ZNF410: variants seen among roughly 807,000 people sequenced by gnomAD.
The protein encoded by ZNF410 is zinc finger protein 410.
A neutral mutation model predicts 54.8 loss-of-function variants in ZNF410; 18 were observed. That is an observed-to-expected ratio of 0.33 (90% CI 0.23 to 0.49). The LOEUF (loss-of-function observed/expected upper bound fraction) is 0.49. Among genes scored for constraint, ZNF410 ranks in the 20% least tolerant of loss-of-function variants. ZNF410 has a pLI of 0.99. For synonymous variants in ZNF410, 191 were observed against 207.3 expected (o/e 0.92, Z 0.68); for missense variants, 405 against 569.6 (o/e 0.71, Z 2.94).
In ZNF410 at chr14:73,931,422, C is replaced by T. The variant is rs575157547; in HGVS notation, c.1399-81C>T. ...CCTGTAGTGCATTCTCCATCCTCCACTCTTAATACTTTTTACTATGAATTA... is the reference window on the plus strand; with the variant it reads ...CCTGTAGTGCATTCTCCATCCTCCATTCTTAATACTTTTTACTATGAATTA... On this transcript the variant is annotated intron_variant, in intron 11 of 11. Coordinates refer to ENST00000555044, the MANE Select transcript of ZNF410 (RefSeq NM_021188.3). The T allele has an allele frequency of 2.2e-4, 284 of 1,296,106 alleles. 2 individuals are homozygous for T. In the South Asian group the frequency reaches 3.0e-3, roughly 14 times the overall value. The allele number at this position is 1,296,106 out of a possible 1,614,324, so 80.3% of individuals were successfully genotyped here.
intron 1 of ZNF410, among the ~76,000 whole-genome samples, chr14:73,888,751 A>G (rs1332704340): frequency 6.6e-6 from 1 of 152,204 alleles, no homozygotes; most frequent in Non-Finnish European, 1.5e-5. Flanking sequence ...GCTAATGTAC[A>G]TAGTACGTTG....
Position 73,896,493 on chromosome 14 carries a change from G to C in ZNF410, c.347G>C (p.Ser116Thr). 6.2e-7 allele frequency: 1 copy of C among 1,614,182 alleles called. No homozygotes were observed. Among genetic ancestry groups the C allele is most frequent in the South Asian group, 1.1e-5 (1 of 91,086 alleles). The change falls in exon 4 of 12, where the codon AGT becomes ACT. Residue 116 changes from serine (S) to threonine (T), a missense_variant. Around this residue, in one of 3 missense-constraint regions of ZNF410, gnomAD observed 247 missense variants for 342.8 expected, o/e 0.72. Coordinates refer to ENST00000555044, the MANE Select transcript of ZNF410 (RefSeq NM_021188.3). ...AGCTTGTTGCAAGATCTACAGCCAA[G>C]TGATAGCACTTCTTTTATTCTTCTT... ...SSSLLQDLQP[S>T]DSTSFILLNL...
intron 7 of ZNF410, among the ~76,000 whole-genome samples, chr14:73,905,944 T>TATACACACAC: frequency 1.3e-5 from 1 of 76,476 alleles, no homozygotes; most frequent in South Asian, 4.5e-4. Flanking sequence ...TACATATATA[T>TATACACACAC]ACACACACAC....
intron 8 of ZNF410, among the ~76,000 whole-genome samples, chr14:73,918,848 G>A (rs2055710519): frequency 1.3e-5 from 2 of 150,636 alleles, no homozygotes; most frequent in Non-Finnish European, 3.0e-5. Context: ...ACAGGCGCCC[G>A]CCACCACGCC....
Position 73,896,351 on chromosome 14 carries a change from G to A in ZNF410, c.205G>A (p.Val69Ile). The stretch of plus-strand genomic sequence containing the variant: ...AAATCATTCTAACTCCTCCAAGGAG[G>A]TCCCTTCCTCAGCTGTTTTGAGAAG... ...TTNHSNSSKE[V>I]PSSAVLRSLR... Residue 69 changes from valine to isoleucine, a missense_variant, in exon 4 of 12, where the codon GTC becomes ATC. Physicochemically the swap from Val to Ile is conservative, Grantham distance 29. Around this residue, in one of 3 missense-constraint regions of ZNF410, gnomAD observed 247 missense variants for 342.8 expected, o/e 0.72. Coordinates refer to ENST00000555044, the MANE Select transcript of ZNF410 (RefSeq NM_021188.3). 1 of 1,614,114 alleles carries A rather than the reference G, an allele frequency of 6.2e-7. No individual in the cohort carries two copies. Among genetic ancestry groups the A allele is most frequent in the Non-Finnish European group, 8.5e-7 (1 of 1,180,018 alleles).
At position 73,910,878 on chromosome 14, in the gene ZNF410, AAGTG is replaced by A. The variant is rs1405178622; in HGVS notation, c.1003+1449_1003+1452del. ...CCCTGTCTCAAAAAAAAAAAAAAAA[AAGTG>A]GTAGTGAAGATAAGGAGGGAAAGGG... is the stretch of plus-strand genomic sequence containing the variant. On this transcript the variant is annotated intron_variant, in intron 8 of 11. Coordinates refer to ENST00000555044, the MANE Select transcript of ZNF410 (RefSeq NM_021188.3). Among the ~76,000 whole-genome samples, 18 of 146,196 alleles carry A rather than the reference AAGTG, an allele frequency of 1.2e-4. No individual in the cohort carries two copies. The East Asian group carries it at 3.3e-3, about 27-fold the overall frequency.
chr14:73,929,731 C>T (rs113954406), intron 11 of ZNF410, among the ~76,000 whole-genome samples: 12,926 of 151,644 alleles, frequency 0.085, 952 homozygotes, highest in East Asian at 0.44. Context: ...GTGAGAGGAT[C>T]ACTTGGGCCC....
At chr14:73,891,210 C>T (rs1458132908) in intron 1 of ZNF410, among the ~76,000 whole-genome samples, 3 of 151,808 alleles carry the variant, frequency 2.0e-5, no homozygotes, top group East Asian at 1.9e-4. Context: ...GGTATAGCTA[C>T]GGTCATAGCT....
At chr14:73,929,409 T>G (rs2055878900) in intron 11 of ZNF410, among the ~76,000 whole-genome samples, 1 of 152,208 alleles carries the variant, frequency 6.6e-6, no homozygotes, top group African/African-American at 2.4e-5. Context: ...GAAGGCTATT[T>G]GCAACACATG....
At chr14:73,894,968 G>A (rs2055291968) in intron 3 of ZNF410, among the ~76,000 whole-genome samples, 1 of 151,968 alleles carries the variant, frequency 6.6e-6, no homozygotes, top group Non-Finnish European at 1.5e-5. Flanking sequence ...ATTGAGACCA[G>A]CCTGGGCAAC....
chr14:73,890,054 C>G (rs1242851835), intron 1 of ZNF410, among the ~76,000 whole-genome samples: 1 of 152,220 alleles, frequency 6.6e-6, no homozygotes, highest in South Asian at 2.1e-4. Flanking sequence ...CTCGGCCTCC[C>G]AAAATGCTGG....
At chr14:73,894,755 C>G (rs939514599) in intron 3 of ZNF410, among the ~76,000 whole-genome samples, 2 of 152,088 alleles carry the variant, frequency 1.3e-5, no homozygotes, top group African/African-American at 4.8e-5. Context: ...AAAGTCTCTC[C>G]TGGTACGAGA....
intron 5 of ZNF410, among the ~76,000 whole-genome samples, chr14:73,901,098 T>A (rs934112465): frequency 5.8e-4 from 88 of 152,382 alleles, no homozygotes; most frequent in African/African-American, 1.9e-3. Context: ...CAGTCTAAGT[T>A]GTTTGAAATA....
At chr14:73,923,001 A>G (rs1482407415) in intron 10 of ZNF410, among the ~76,000 whole-genome samples, 1 of 152,164 alleles carries the variant, frequency 6.6e-6, no homozygotes, top group East Asian at 1.9e-4. Context: ...AACATTTAGT[A>G]ACTGTGAGAC....
intron 5 of ZNF410, among the ~76,000 whole-genome samples, chr14:73,899,361 G>A (rs747850458): frequency 2.7e-5 from 4 of 150,938 alleles, no homozygotes; most frequent in Non-Finnish European, 5.9e-5. Flanking sequence ...TCCTGCCTCT[G>A]GCTCCCTAAG....
At chr14:73,911,964 G>A (rs2055586642) in intron 8 of ZNF410, among the ~76,000 whole-genome samples, 2 of 151,840 alleles carry the variant, frequency 1.3e-5, no homozygotes, top group South Asian at 4.2e-4. Flanking sequence ...CATTTAACTT[G>A]TTTCTCTACG....
chr14:73,894,899 G>A (rs4903153), intron 3 of ZNF410, among the ~76,000 whole-genome samples: 121,615 of 152,098 alleles, frequency 0.8, 49,533 homozygotes, highest in East Asian at 0.93. Flanking sequence ...GTGGTGGCTC[G>A]TGCCTGTAAT....
Position 73,921,114 on chromosome 14 carries a change from G to C in ZNF410, c.1129+9G>C, listed in dbSNP as rs1413924413. 4 of 1,613,474 alleles carry C rather than the reference G, an allele frequency of 2.5e-6. No homozygotes were observed. In the African/African-American group the frequency reaches 4.0e-5, roughly 16 times the overall value. ...AGAGCAGGAGCAAACTGGTGAGGAG[G>C]GTGGGCATAGTGGAACGCTGTACTA... On this transcript the variant is annotated intron_variant, in intron 9 of 11. Coordinates refer to ENST00000555044, the MANE Select transcript of ZNF410 (RefSeq NM_021188.3).
chr14:73,916,587 T>G (rs2055671038), intron 8 of ZNF410: 1 of 152,222 alleles, frequency 6.6e-6, no homozygotes, highest in African/African-American at 2.4e-5. Flanking sequence ...TTCCCAGGCT[T>G]ACCTTGGACT....
Sources: allele counts gnomAD v4.1 joint callset (sites outside exome capture counted in the v4.1 genomes callset), GRCh38; gene constraint gnomAD v4.1.1; regional missense constraint gnomAD v4.1.1; transcripts MANE v1.5; gene names NCBI Gene and HGNC (gene_info 2026-07-23, HGNC 2026-07-21).